Variants in NCKAP5 observed in about 807,000 individuals in gnomAD.
The protein encoded by NCKAP5 is NCK associated protein 5, also known as nck-associated protein 5.
Under a neutral mutation model 167.0 loss-of-function variants are expected in NCKAP5, and 92 were observed. The observed-to-expected ratio is 0.55, with a 90% CI of 0.47 to 0.66. NCKAP5 has a LOEUF of 0.66. Among genes scored for constraint, NCKAP5 ranks in the 30% least tolerant of loss-of-function variants. The probability of loss-of-function intolerance (pLI) is 0.00; values close to 1 mark genes in which losing one functional copy is unlikely to be tolerated. For missense variants in NCKAP5, 2,378 were observed against 2,315.0 expected, an observed-to-expected ratio of 1.03 and a Z score of -0.56; for synonymous variants, 891 against 877.4, an observed-to-expected ratio of 1.02 and a Z score of -0.27.
At chr2:132,967,162 TACACAC>T (rs149896546) in intron 7 of NCKAP5, among the ~76,000 whole-genome samples, 8,733 of 141,516 alleles carry the variant, frequency 0.062, 603 homozygotes, top group African/African-American at 0.18. Context: ...TGCCCTATCG[TACACAC>T]ACACACACAC....
At chr2:133,502,920 T>C (rs1437406587) in intron 3 of NCKAP5, among the ~76,000 whole-genome samples, 2 of 152,184 alleles carry the variant, frequency 1.3e-5, no homozygotes, top group African/African-American at 4.8e-5. Flanking sequence ...TGGATGGAAG[T>C]TGGCCCCTTT....
chr2:133,413,269 C>T (rs890035800), intron 3 of NCKAP5, among the ~76,000 whole-genome samples: 4 of 152,230 alleles, frequency 2.6e-5, no homozygotes, highest in Admixed American at 6.5e-5. Context: ...CTTCTAGCAA[C>T]ATTGTAAATG....
At chr2:133,196,533 T>C (rs2085446342) in intron 5 of NCKAP5, among the ~76,000 whole-genome samples, 1 of 152,178 alleles carries the variant, frequency 6.6e-6, no homozygotes, top group South Asian at 2.1e-4. Context: ...CCACAGTCTG[T>C]ACCACAGAAC....
intron 16 of NCKAP5, among the ~76,000 whole-genome samples, chr2:132,736,489 G>A (rs1031855975): frequency 1.3e-5 from 2 of 152,068 alleles, no homozygotes; most frequent in African/African-American, 4.8e-5. Flanking sequence ...CTCAACAAAT[G>A]TGAGTTCACA....
chr2:132,786,098 A>T (rs1333590885), intron 13 of NCKAP5, among the ~76,000 whole-genome samples: 1 of 152,250 alleles, frequency 6.6e-6, no homozygotes. Flanking sequence ...GGAGAAAGGC[A>T]TATAGGAAAG....
intron 16 of NCKAP5, among the ~76,000 whole-genome samples, chr2:132,767,149 G>T (rs972714958): frequency 6.6e-6 from 1 of 152,174 alleles, no homozygotes; most frequent in African/African-American, 2.4e-5. Context: ...ACTGAAGTAG[G>T]CTTGATCCTG....
At chr2:132,917,262 C>T (rs1694957571) in intron 8 of NCKAP5, among the ~76,000 whole-genome samples, 1 of 152,120 alleles carries the variant, frequency 6.6e-6, no homozygotes, top group Admixed American at 6.5e-5. Context: ...AAATAATTTT[C>T]AGTGCTTCAT....
At chr2:132,698,258 A>T (rs1391675662) in intron 19 of NCKAP5, among the ~76,000 whole-genome samples, 2 of 152,218 alleles carry the variant, frequency 1.3e-5, no homozygotes, top group Non-Finnish European at 2.9e-5. Flanking sequence ...TGCTTAAAAA[A>T]GACCAAATTT....
At chr2:132,994,780 G>A (rs1164256756) in intron 6 of NCKAP5, among the ~76,000 whole-genome samples, 2 of 152,122 alleles carry the variant, frequency 1.3e-5, no homozygotes, top group African/African-American at 4.8e-5. Flanking sequence ...AGGTGATTTT[G>A]TCATTTTGCA....
intron 3 of NCKAP5, among the ~76,000 whole-genome samples, chr2:133,470,453 G>A (rs956739281): frequency 3.3e-5 from 5 of 152,224 alleles, no homozygotes; most frequent in African/African-American, 1.2e-4. Flanking sequence ...AGAGGTTGCT[G>A]CTGTCTTTTT....
chr2:132,892,009 C>T (rs1278039619), intron 8 of NCKAP5, among the ~76,000 whole-genome samples: 1 of 152,190 alleles, frequency 6.6e-6, no homozygotes, highest in Non-Finnish European at 1.5e-5. Flanking sequence ...TTCCTTCAGT[C>T]TTTTGTAAAA....
At chr2:133,464,793 T>C (rs1692438516) in intron 3 of NCKAP5, among the ~76,000 whole-genome samples, 1 of 152,098 alleles carries the variant, frequency 6.6e-6, no homozygotes, top group Non-Finnish European at 1.5e-5. Flanking sequence ...GGATGCCACC[T>C]TGTCATTGCC....
chr2:133,017,609 C>G (rs2078381393), intron 6 of NCKAP5, among the ~76,000 whole-genome samples: 2 of 151,412 alleles, frequency 1.3e-5, no homozygotes, highest in Admixed American at 1.3e-4. Flanking sequence ...CCTGTAGATT[C>G]TGAAAAAAAA....
chr2:132,782,768 C>T lies in NCKAP5; in HGVS notation c.4043G>A (p.Gly1348Glu), dbSNP rs1054772600. The change falls in exon 14 of 20, where the codon GGG becomes GAG. Residue 1348 changes from glycine to glutamate, a missense_variant. Around this residue, in one of 3 missense-constraint regions of NCKAP5, gnomAD observed 1,325 missense variants for 1,274.5 expected, o/e 1.04. Transcript: ENST00000409261. The stretch of plus-strand genomic sequence containing the variant: ...GCCTGAGCTCCCCAGGGAGCCCTTC[C>T]CGGAGGAGGGGTGCCCCGAGGGCCT... ...VGRPSGHPSSGKGSLGSSGSF... is the reference protein window; with the variant it reads ...VGRPSGHPSSEKGSLGSSGSF... The T allele has an allele frequency of 6.2e-6, 10 of 1,613,736 alleles. No individual in the cohort carries two copies. The African/African-American group carries it at 1.3e-4, about 22-fold the overall frequency.
At chr2:132,895,928 A>G (rs1286933365) in intron 8 of NCKAP5, among the ~76,000 whole-genome samples, 2 of 152,022 alleles carry the variant, frequency 1.3e-5, no homozygotes, top group Non-Finnish European at 2.9e-5. Context: ...TGAGGTCAGG[A>G]GTTTGAGACC....
the NCKAP5 span, among the ~76,000 whole-genome samples, chr2:133,628,418 C>T: frequency 1.3e-5 from 2 of 152,028 alleles, no homozygotes; most frequent in African/African-American, 4.8e-5. Context: ...ATAAAATATT[C>T]AGCAATATAG....
At chr2:132,799,685 T>G (rs891904964) in intron 11 of NCKAP5, among the ~76,000 whole-genome samples, 2 of 152,200 alleles carry the variant, frequency 1.3e-5, no homozygotes, top group Non-Finnish European at 2.9e-5. Flanking sequence ...TTCATACATA[T>G]AAGGCAAATA....
chr2:133,222,739 C>T (rs1465291538), intron 4 of NCKAP5, among the ~76,000 whole-genome samples: 1 of 152,194 alleles, frequency 6.6e-6, no homozygotes, highest in East Asian at 1.9e-4. Flanking sequence ...ATGGAGGCTG[C>T]TCATGCAGAC....
intron 6 of NCKAP5, among the ~76,000 whole-genome samples, chr2:133,058,699 G>A (rs766603895): frequency 3.2e-4 from 48 of 152,194 alleles, no homozygotes; most frequent in Non-Finnish European, 1.6e-4. Context: ...TATGTAGATT[G>A]TTGAAAAGAT....
Sources: gnomAD v4.1 joint callset for allele counts (sites outside exome capture counted in the v4.1 genomes callset) on GRCh38, gnomAD v4.1.1 for gene constraint, gnomAD v4.1.1 regional missense constraint, MANE v1.5 for transcripts, NCBI Gene and HGNC (gene_info 2026-07-23, HGNC 2026-07-21) for gene names.